The following TMEM135 variants were observed in gnomAD, a reference collection of about 807,000 sequenced individuals.
TMEM135 encodes peroxisomal membrane protein 52.
Under a neutral mutation model 60.3 loss-of-function variants are expected in TMEM135, and 30 were observed. That is an observed-to-expected ratio of 0.50 (90% CI 0.37 to 0.68). The LOEUF is 0.68. Ranked by LOEUF, TMEM135 falls within the 30% of genes least tolerant of loss-of-function variation. TMEM135 has a pLI of 0.00. For missense variants in TMEM135, 468 were observed against 548.8 expected, an observed-to-expected ratio of 0.85 and a Z score of 1.47; for synonymous variants, 190 against 186.7, an observed-to-expected ratio of 1.02 and a Z score of -0.14.
intron 4 of TMEM135, among the ~76,000 whole-genome samples, chr11:87,147,793 T>C (rs1447898044): frequency 1.3e-5 from 2 of 152,182 alleles, no homozygotes; most frequent in Admixed American, 1.3e-4. Flanking sequence ...AGTCTTACTT[T>C]GTTGCCCAAG....
At chr11:87,305,004 T>C (rs1041638216) in intron 8 of TMEM135, among the ~76,000 whole-genome samples, 4 of 152,200 alleles carry the variant, frequency 2.6e-5, no homozygotes, top group Non-Finnish European at 4.4e-5. Context: ...TATTAAACAC[T>C]GGAGGGTTAA....
chr11:87,304,031 A>C (rs1272084325), intron 8 of TMEM135, among the ~76,000 whole-genome samples: 1 of 152,172 alleles, frequency 6.6e-6, no homozygotes, highest in Non-Finnish European at 1.5e-5. Context: ...TGACTAAGAA[A>C]GACTAATTGA....
intron 7 of TMEM135, among the ~76,000 whole-genome samples, chr11:87,297,733 G>A (rs1469300976): frequency 6.6e-6 from 1 of 152,162 alleles, no homozygotes; most frequent in African/African-American, 2.4e-5. Flanking sequence ...CAGAAAAAAT[G>A]TTTGTTAATT....
At chr11:87,117,194 A>G (rs1008736658) in intron 4 of TMEM135, among the ~76,000 whole-genome samples, 4 of 152,220 alleles carry the variant, frequency 2.6e-5, no homozygotes, top group African/African-American at 9.6e-5. Flanking sequence ...TAGTGATATC[A>G]GGAATGATCA....
At position 87,273,196 on chromosome 11, in the gene TMEM135, T is replaced by C. The variant is rs190811419; in HGVS notation, c.510-22586T>C. Among the ~76,000 whole-genome samples, 819 of 152,278 alleles carry C rather than the reference T, an allele frequency of 5.4e-3. 6 individuals are homozygous for C. The highest frequency in any genetic ancestry group is 0.034 in the Middle Eastern group (10 of 294). ...TTAAAGACTTAGATTCTAAATCTGG[T>C]TTCTTTTTTTATTAGCTGAGCAATT... On this transcript the variant is annotated intron_variant, in intron 6 of 14. Coordinates refer to ENST00000305494, the MANE Select transcript of TMEM135 (RefSeq NM_022918.4).
intron 12 of TMEM135, among the ~76,000 whole-genome samples, chr11:87,315,598 A>G (rs1298481907): frequency 6.6e-6 from 1 of 151,998 alleles, no homozygotes; most frequent in Non-Finnish European, 1.5e-5. Flanking sequence ...TAAGAGTTGC[A>G]AAATGATGAA....
In TMEM135 at chr11:87,321,552, G is replaced by T. The variant is rs1311559018; in HGVS notation, c.*219G>T. The T allele has an allele frequency of 1.3e-5, 9 of 672,154 alleles. No individual in the cohort carries two copies. The highest frequency in any genetic ancestry group is 2.2e-5 in the Non-Finnish European group (8 of 368,292). 41.6% of individuals were successfully genotyped at this position (672,154 alleles called of 1,614,324 possible). On this transcript the variant is annotated 3_prime_UTR_variant, in exon 15 of 15. Transcript: ENST00000305494. ...CCTCCATAGCCAGAATAAGATTCTG[G>T]ATCACTGTAGTGACTGACATTATAT... is the stretch of plus-strand genomic sequence containing the variant.
At chr11:87,133,131 C>T (rs1321220209) in intron 4 of TMEM135, among the ~76,000 whole-genome samples, 2 of 152,138 alleles carry the variant, frequency 1.3e-5, no homozygotes, top group Non-Finnish European at 2.9e-5. Context: ...AAGATGTTAT[C>T]AAACTACTCA....
At chr11:87,278,171 C>T (rs1292905046) in intron 6 of TMEM135, among the ~76,000 whole-genome samples, 1 of 152,096 alleles carries the variant, frequency 6.6e-6, no homozygotes, top group Non-Finnish European at 1.5e-5. Context: ...GCCTTTGCAT[C>T]CTTACTGTTA....
intron 5 of TMEM135, among the ~76,000 whole-genome samples, chr11:87,203,861 A>G (rs1940176156): frequency 6.6e-6 from 1 of 152,112 alleles, no homozygotes; most frequent in African/African-American, 2.4e-5. Flanking sequence ...CACATCTTTA[A>G]CAGTATTTGG....
intron 5 of TMEM135, among the ~76,000 whole-genome samples, chr11:87,180,234 C>A (rs1178909190): frequency 1.3e-5 from 2 of 152,078 alleles, no homozygotes; most frequent in African/African-American, 4.8e-5. Flanking sequence ...GTGGCAATGG[C>A]AACTATGCAG....
chr11:87,266,923 C>G (rs1434573525), intron 6 of TMEM135, among the ~76,000 whole-genome samples: 2 of 152,146 alleles, frequency 1.3e-5, no homozygotes, highest in Non-Finnish European at 2.9e-5. Flanking sequence ...ATAGTTGCCT[C>G]ATTATAGGCA....
intron 11 of TMEM135, 66 bp downstream of exon 11, chr11:87,313,554 A>T: frequency 2.3e-6 from 3 of 1,295,468 alleles, no homozygotes; most frequent in Non-Finnish European, 3.4e-6. Flanking sequence ...AATTGGAAAT[A>T]CCATCCAATT....
intron 2 of TMEM135, among the ~76,000 whole-genome samples, chr11:87,069,167 T>TCCCATCTA (rs1856725764): frequency 6.6e-6 from 1 of 150,622 alleles, no homozygotes; most frequent in Non-Finnish European, 1.5e-5. Flanking sequence ...GCGCCTGTAG[T>TCCCATCTA]CCCATCTACT....
chr11:87,244,874 A>G (rs1941226464), intron 6 of TMEM135, among the ~76,000 whole-genome samples: 1 of 148,828 alleles, frequency 6.7e-6, no homozygotes, highest in African/African-American at 2.5e-5. Flanking sequence ...GATTTTAGTT[A>G]TTTCTTGCCT....
chr11:87,075,033 G>A (rs778550293), intron 3 of TMEM135, among the ~76,000 whole-genome samples: 1 of 151,954 alleles, frequency 6.6e-6, no homozygotes, highest in Non-Finnish European at 1.5e-5. Context: ...TCAATCTCCC[G>A]GGCCTAAGAG....
intron 6 of TMEM135, chr11:87,258,795 C>G: frequency 1.8e-6 from 1 of 567,484 alleles, no homozygotes; most frequent in Non-Finnish European, 3.2e-6. Context: ...AGTTCAAACA[C>G]AATTGAATTT....
At chr11:87,234,429 A>C (rs914354890) in intron 5 of TMEM135, among the ~76,000 whole-genome samples, 2 of 152,048 alleles carry the variant, frequency 1.3e-5, no homozygotes, top group African/African-American at 4.8e-5. Context: ...TGAATCAGTC[A>C]ATTGCACTGT....
chr11:87,111,951 G>C (rs1321603541), intron 4 of TMEM135, among the ~76,000 whole-genome samples: 1 of 152,150 alleles, frequency 6.6e-6, no homozygotes, highest in African/African-American at 2.4e-5. Flanking sequence ...CCTGGGTTTA[G>C]TGCTTTTACT....
Sources: allele counts gnomAD v4.1 joint callset (sites outside exome capture counted in the v4.1 genomes callset), GRCh38; gene constraint gnomAD v4.1.1; transcripts MANE v1.5; gene names NCBI Gene and HGNC (gene_info 2026-07-23, HGNC 2026-07-21).